Variants in ALOX12B observed in about 807,000 individuals in gnomAD.
ALOX12B encodes the protein arachidonate 12-lipoxygenase, 12R-type.
In ALOX12B, 47 loss-of-function variants were observed where a neutral mutation model predicts 78.9. That is an observed-to-expected ratio of 0.60 (90% CI 0.47 to 0.76). The LOEUF (loss-of-function observed/expected upper bound fraction) is 0.76, where lower values mean the gene tolerates loss of function less well. Among genes scored for constraint, ALOX12B ranks in the 30% least tolerant of loss-of-function variants. The pLI is 0.00. For missense variants in ALOX12B, 805 were observed against 922.6 expected (o/e 0.87, Z 1.65); for synonymous variants, 370 against 374.5 (o/e 0.99, Z 0.14).
At chr17:8,086,261 C>T (rs1978297960) in intron 1 of ALOX12B, 41 bp from the exon 2 acceptor site, 2 of 1,600,938 alleles carry the variant, frequency 1.2e-6, no homozygotes, top group Non-Finnish European at 1.7e-6. Context: ...CAGGACTTCA[C>T]CCCGGCTCCC....
In ALOX12B at chr17:8,080,934, A is replaced by G; in HGVS notation, c.477T>C (p.Ile159=). The part of the protein sequence containing the change: ...FLPGLPSYVH[I]PSYRPPVRRH... ...TCCGCACCGGAGGGCGGTAACTGGG[A>G]ATGTGCACATAGCTGGGCAGGCCAG... The change falls in exon 4 of 15, where the codon ATT becomes ATC. Residue 159 remains isoleucine (I), a synonymous_variant. Transcript: ENST00000647874. The surrounding 1 kb of genome is among the most constrained non-coding windows in gnomAD (Gnocchi z 4.8). The G allele has an allele frequency of 6.2e-7, 1 of 1,613,850 alleles. No individual in the cohort carries two copies. The highest frequency in any genetic ancestry group is 8.5e-7 in the Non-Finnish European group (1 of 1,179,996).
Position 8,073,758 on chromosome 17 carries a change from C to A in ALOX12B, c.1655-1G>T. 1 of 1,613,666 alleles carries A rather than the reference C, an allele frequency of 6.2e-7. No individual in the cohort carries two copies. The highest frequency in any genetic ancestry group is 8.5e-7 in the Non-Finnish European group (1 of 1,179,716). ...ACGGTTCGCAAGCACCTAGGGAAGCCTGACCGGCGGGGGAAAAGCCCAGGC... is the reference window on the plus strand; with the variant it reads ...ACGGTTCGCAAGCACCTAGGGAAGCATGACCGGCGGGGGAAAAGCCCAGGC... On this transcript the variant is annotated splice_acceptor_variant, in intron 12 of 14. Transcript: ENST00000647874. LOFTEE classifies it high-confidence loss of function.
rs751283247 is a variant in ALOX12B at position 8,075,696 on chromosome 17, G to A, written c.1553C>T (p.Thr518Ile). The change falls in exon 12 of 15, where the codon ACC (threonine) becomes ATC (isoleucine). Residue 518 changes from threonine (T) to isoleucine (I), a missense_variant. Coordinates refer to ENST00000647874, the MANE Select transcript of ALOX12B (RefSeq NM_001139.3). ...GGCTGCGTCACTCGGGTAATAATAG[G>A]TGATGATCTCCGTCACATACCTGAC... ...ALEKYVTEII[T>I]YYYPSDAAVE... The A allele has an allele frequency of 5.0e-6, 8 of 1,614,044 alleles. No homozygotes were observed. Among genetic ancestry groups the A allele is most frequent in the African/African-American group, 4.0e-5 (3 of 74,908 alleles).
In ALOX12B at chr17:8,087,605, C is replaced by T; in HGVS notation, c.-163G>A. 1 of 1,203,932 alleles carries T rather than the reference C, an allele frequency of 8.3e-7. No individual in the cohort carries two copies. The highest frequency in any genetic ancestry group is 1.2e-6 in the Non-Finnish European group (1 of 854,946). The allele number at this position is 1,203,932 out of a possible 1,614,324, so 74.6% of individuals were successfully genotyped here. On this transcript the variant is annotated 5_prime_UTR_variant, in exon 1 of 15. Coordinates refer to ENST00000647874, the MANE Select transcript of ALOX12B (RefSeq NM_001139.3). Reference sequence around the variant, plus strand: ...GGCGAGGTGGGGTGACTAGGCCTGCCAGCCAAATTCTGGAAAAGCTGCTGC... The same window carrying T: ...GGCGAGGTGGGGTGACTAGGCCTGCTAGCCAAATTCTGGAAAAGCTGCTGC...
Position 8,080,337 on chromosome 17 carries a change from C to T in ALOX12B, c.652G>A (p.Ala218Thr). The change falls in exon 6 of 15, where the codon GCA (alanine) becomes ACA (threonine). Residue 218 changes from alanine to threonine, a missense_variant and splice_region_variant. Transcript: ENST00000647874. This position sits in a 1 kb window ranked among gnomAD's most constrained non-coding sequence, Gnocchi z 4.8. Reference protein sequence around the residue: ...ASFFVRLGPMALAFKVRGLLD... With the variant: ...ASFFVRLGPMTLAFKVRGLLD... ...AGGCCGCGGACTTTGAAAGCCAGTG[C>T]CCTAGGAGATGGGATTCCAGGAAGA... is the stretch of plus-strand genomic sequence containing the variant. The T allele has an allele frequency of 1.9e-6, 3 of 1,614,120 alleles. No homozygotes were observed. The highest frequency in any genetic ancestry group is 2.5e-6 in the Non-Finnish European group (3 of 1,179,986).
At chr17:8,073,372 C>T (rs1483675581) in intron 13 of ALOX12B, 54 bp from the exon 14 acceptor site, 2 of 1,610,190 alleles carry the variant, frequency 1.2e-6, no homozygotes, top group African/African-American at 2.7e-5. Context: ...CAGGAGTTTC[C>T]TTCCACCAGG....
rs750398351 is a variant in ALOX12B, at chr17:8,080,119, G to GGC, written c.754+114_754+115dup. The stretch of plus-strand genomic sequence containing the variant: ...GACATTTTCCAAGAAGCCGCCAGAG[G>GGC]GCGCGCGCGCGCCTCGCTGCCTCTC... On this transcript the variant is annotated intron_variant, in intron 6 of 14. Coordinates refer to ENST00000647874, the MANE Select transcript of ALOX12B (RefSeq NM_001139.3). This position sits in a 1 kb window ranked among gnomAD's most constrained non-coding sequence, Gnocchi z 4.8. 6.8e-7 allele frequency: 1 copy of GGC among 1,468,642 alleles called. No homozygotes were observed. The highest frequency in any genetic ancestry group is 1.1e-5 in the South Asian group (1 of 87,876). The allele number at this position is 1,468,642 out of a possible 1,614,324, so 91.0% of individuals were successfully genotyped here. A position where few individuals can be genotyped will look rare whatever the true frequency, so the allele number is the denominator to read the frequency against.
In ALOX12B at chr17:8,078,949, A is replaced by G. The variant is rs1012574190; in HGVS notation, c.1071+447T>C. On this transcript the variant is annotated intron_variant, in intron 8 of 14. Coordinates refer to ENST00000647874, the MANE Select transcript of ALOX12B (RefSeq NM_001139.3). Reference sequence around the variant, plus strand: ...GTCTCGCTCTGTCGCCCAGAGCGACATGCAGTGGCATGATCTAGGCTCACT... The same window carrying G: ...GTCTCGCTCTGTCGCCCAGAGCGACGTGCAGTGGCATGATCTAGGCTCACT... Among the ~76,000 whole-genome samples, 3 of 143,498 alleles carry G rather than the reference A, an allele frequency of 2.1e-5. No homozygotes were observed. The East Asian group carries it at 6.1e-4, about 29-fold the overall frequency. 94.1% of individuals were successfully genotyped at this position (143,498 alleles called of 152,430 possible). A position where few individuals can be genotyped will look rare whatever the true frequency, so the allele number is the denominator to read the frequency against.
intron 12 of ALOX12B, among the ~76,000 whole-genome samples, chr17:8,074,469 C>T (rs1052952580): frequency 4.0e-5 from 6 of 151,872 alleles, no homozygotes; most frequent in Non-Finnish European, 7.4e-5. Context: ...CTCCCCTCCT[C>T]CTCCCCTCAC....
At chr17:8,084,281 G>A (rs1432642175) in intron 2 of ALOX12B, among the ~76,000 whole-genome samples, 2 of 152,152 alleles carry the variant, frequency 1.3e-5, no homozygotes, top group African/African-American at 4.8e-5. Context: ...GCCTACCGCT[G>A]CAGCCCATCA....
chr17:8,078,159 A>ATTTT (rs1977128654), intron 8 of ALOX12B, among the ~76,000 whole-genome samples: 1 of 129,660 alleles, frequency 7.7e-6, no homozygotes, highest in Non-Finnish European at 1.6e-5. Context: ...TTATTTATTT[A>ATTTT]TTTTTGAGAA....
At position 8,073,651 on chromosome 17, in the gene ALOX12B, C is replaced by G. The variant is rs377369375; in HGVS notation, c.1755+6G>C. On this transcript the variant is annotated splice_donor_region_variant and intron_variant, in intron 13 of 14. Transcript: ENST00000647874. ...GCTGGGCCTGGGTTGGTGAGACCAC[C>G]GGTACCTGGCCTGTGTTGACAGCAG... 6.2e-7 allele frequency: 1 copy of G among 1,613,496 alleles called. No individual in the cohort carries two copies. Among genetic ancestry groups the G allele is most frequent in the East Asian group, 2.2e-5 (1 of 44,888 alleles).
intron 1 of ALOX12B, among the ~76,000 whole-genome samples, chr17:8,087,091 T>C (rs1028391745): frequency 6.6e-6 from 1 of 152,140 alleles, no homozygotes; most frequent in African/African-American, 2.4e-5. Flanking sequence ...ACAAGGCGTG[T>C]AGAGCCACTG....
Position 8,072,705 on chromosome 17 carries a change from GT to G in ALOX12B, c.*65del. The G allele has an allele frequency of 1.3e-6, 2 of 1,597,822 alleles. No individual in the cohort carries two copies. The highest frequency in any genetic ancestry group is 1.7e-6 in the Non-Finnish European group (2 of 1,166,546). ...TCTGAGGTTTTTGTGTTTTTTGCTTGTTTGTTTTGTTTTGTTGAAAATAGTA... is the reference window on the plus strand; with the variant it reads ...TCTGAGGTTTTTGTGTTTTTTGCTTGTTGTTTTGTTTTGTTGAAAATAGTA... On this transcript the variant is annotated 3_prime_UTR_variant, in exon 15 of 15. Coordinates refer to ENST00000647874, the MANE Select transcript of ALOX12B (RefSeq NM_001139.3).
chr17:8,079,957 G>A lies in ALOX12B; in HGVS notation c.755-16C>T, dbSNP rs2151823027. The A allele has an allele frequency of 6.2e-7, 1 of 1,608,634 alleles. No homozygotes were observed. Among genetic ancestry groups the A allele is most frequent in the Non-Finnish European group, 8.5e-7 (1 of 1,177,736 alleles). On this transcript the variant is annotated splice_polypyrimidine_tract_variant and intron_variant, in intron 6 of 14. Transcript: ENST00000647874. The surrounding 1 kb of genome is among the most constrained non-coding windows in gnomAD (Gnocchi z 6.4). ...GCCACGTACTCTGCGAGGACGGCGC[G>A]AGGGCGTCACAAGGAGGCCCGGCCC...
intron 2 of ALOX12B, among the ~76,000 whole-genome samples, 153 bp downstream of exon 2, chr17:8,085,863 G>A (rs147848235): frequency 8.9e-4 from 136 of 152,336 alleles, no homozygotes; most frequent in African/African-American, 3.2e-3. Context: ...CACTGACTGA[G>A]GGAAATGTGT....
At chr17:8,083,566 T>C (rs1160374145) in intron 2 of ALOX12B, among the ~76,000 whole-genome samples, 2 of 151,808 alleles carry the variant, frequency 1.3e-5, no homozygotes, top group Non-Finnish European at 2.9e-5. Flanking sequence ...CCATCTCCAC[T>C]AAAAATACAA....
intron 2 of ALOX12B, among the ~76,000 whole-genome samples, chr17:8,085,072 T>A (rs994893875): frequency 8.5e-5 from 13 of 152,174 alleles, no homozygotes; most frequent in Admixed American, 8.5e-4. Context: ...ATTAGATAGA[T>A]CCTTACTGGA....
chr17:8,085,981 CGG>C, intron 2 of ALOX12B, 33 bp downstream of exon 2: 1 of 1,609,434 alleles, frequency 6.2e-7, no homozygotes. Context: ...AGAGGCCTCA[CGG>C]CCATAGGATG....
Sources: allele counts gnomAD v4.1 joint callset (sites outside exome capture counted in the v4.1 genomes callset), GRCh38; gene constraint gnomAD v4.1.1; non-coding constraint Gnocchi (gnomAD v3.1); transcripts MANE v1.5; gene names NCBI Gene and HGNC (gene_info 2026-07-23, HGNC 2026-07-21).